Variants in STOX1 observed in about 807,000 individuals in gnomAD.
STOX1 encodes storkhead box 1, also known as storkhead-box protein 1.
Under a neutral mutation model 74.8 loss-of-function variants are expected in STOX1, and 57 were observed. That is an observed-to-expected ratio of 0.76 (90% CI 0.62 to 0.95). The LOEUF is 0.95. Ranked by LOEUF, STOX1 falls within the 40% of genes least tolerant of loss-of-function variation. The pLI, the probability that STOX1 is intolerant of heterozygous loss-of-function variation, is 0.00. For missense variants in STOX1, 1,010 were observed against 1,117.0 expected (o/e 0.90, Z 1.37); for synonymous variants, 375 against 401.3 (o/e 0.93, Z 0.78).
intron 1 of STOX1, among the ~76,000 whole-genome samples, chr10:68,849,889 T>C (rs534784773): frequency 3.9e-5 from 6 of 152,296 alleles, no homozygotes; most frequent in African/African-American, 1.4e-4. Context: ...CATCTGACTC[T>C]TCACAACCCT....
Position 68,886,918 on chromosome 10 carries a change from C to CA in STOX1, c.2822+311dup, listed in dbSNP as rs1199871223. Among the ~76,000 whole-genome samples the CA allele has an allele frequency of 7.5e-3, 868 of 115,240 alleles. 15 individuals carry two copies. Among genetic ancestry groups the CA allele is most frequent in the African/African-American group, 0.021 (680 of 31,856 alleles). 75.6% of individuals were successfully genotyped at this position (115,240 alleles called of 152,430 possible). ...CTGGTGATGGAGCAAGACTCTGCCT[C>CA]AAAAAAAAAAAGAAAAAAAAAGAAA... On this transcript the variant is annotated intron_variant, in intron 3 of 3. Transcript: ENST00000298596.
intron 1 of STOX1, among the ~76,000 whole-genome samples, chr10:68,878,550 G>A (rs553873739): frequency 1.3e-5 from 2 of 152,302 alleles, no homozygotes; most frequent in East Asian, 3.9e-4. Context: ...ACACCTAGAG[G>A]AGATCATTCC....
chr10:68,890,029 T>C (rs369533463), intron 3 of STOX1, among the ~76,000 whole-genome samples: 10 of 151,962 alleles, frequency 6.6e-5, no homozygotes, highest in African/African-American at 2.4e-4. Context: ...CCTCAAGTGA[T>C]CTGCCCACCT....
rs1840827095 is a variant in STOX1, at chr10:68,882,116, G to A, written c.463+6G>A. 1 of 1,613,378 alleles carries A rather than the reference G, an allele frequency of 6.2e-7. No individual in the cohort carries two copies. Among genetic ancestry groups the A allele is most frequent in the Non-Finnish European group, 8.5e-7 (1 of 1,179,492 alleles). ...TTTGATGAAACATTACCCAGGTAGA[G>A]TAATAAATTTTTGTCTATTTGTACT... On this transcript the variant is annotated splice_donor_region_variant and intron_variant, in intron 2 of 3. Transcript: ENST00000298596.
intron 1 of STOX1, among the ~76,000 whole-genome samples, chr10:68,869,621 A>G (rs1370488869): frequency 1.3e-5 from 2 of 152,200 alleles, no homozygotes; most frequent in African/African-American, 4.8e-5. Flanking sequence ...GGAGAGGCCA[A>G]TCTGAATGGA....
rs78258245 is a variant in STOX1 at position 68,886,085 on chromosome 10, A to G, written c.2289A>G (p.Gly763=). The G allele has an allele frequency of 3.9e-4, 629 of 1,614,220 alleles. 3 individuals carry two copies. In the East Asian group the frequency reaches 0.013, roughly 34 times the overall value. The change falls in exon 3 of 4, where the codon GGA becomes GGG. Residue 763 remains glycine, a synonymous_variant. Transcript: ENST00000298596. ...PGHSQYSFTG[G]SQGNHLGKQK... ...ACAGTCAGTATTCCTTCACAGGTGGAAGCCAGGGAAATCATTTAGGAAAAC... is the reference window on the plus strand; with the variant it reads ...ACAGTCAGTATTCCTTCACAGGTGGGAGCCAGGGAAATCATTTAGGAAAAC...
At chr10:68,852,099 A>G (rs1839999778) in intron 1 of STOX1, among the ~76,000 whole-genome samples, 1 of 151,970 alleles carries the variant, frequency 6.6e-6, no homozygotes, top group Non-Finnish European at 1.5e-5. Flanking sequence ...GTGCCACCGC[A>G]CTCCAGCCTG....
intron 1 of STOX1, among the ~76,000 whole-genome samples, chr10:68,856,653 C>T (rs957740940): frequency 6.6e-6 from 1 of 152,054 alleles, no homozygotes; most frequent in Non-Finnish European, 1.5e-5. Context: ...AAAGTGTCTC[C>T]AAGTCAGTAG....
intron 1 of STOX1, among the ~76,000 whole-genome samples, chr10:68,852,194 C>A (rs1260604332): frequency 6.7e-6 from 1 of 150,282 alleles, no homozygotes. Flanking sequence ...GATGAGAAGT[C>A]AGCTGTTAAT....
At chr10:68,855,696 C>G (rs1354935194) in intron 1 of STOX1, among the ~76,000 whole-genome samples, 1 of 151,742 alleles carries the variant, frequency 6.6e-6, no homozygotes, top group Non-Finnish European at 1.5e-5. Context: ...CCTCCCACCT[C>G]AGCCTCCCAA....
At chr10:68,860,505 GGTT>G (rs1274356149) in intron 1 of STOX1, among the ~76,000 whole-genome samples, 1 of 146,380 alleles carries the variant, frequency 6.8e-6, no homozygotes, top group Non-Finnish European at 1.5e-5. Context: ...GGGAGGCAGA[GGTT>G]GTAGTGAGCT....
In STOX1 at chr10:68,827,748, G is replaced by A. The variant is rs889127222; in HGVS notation, c.125G>A (p.Arg42His). ...CGCGCGGTGTTCCGCGCTTTCCGTC[G>A]CGCCAACGCGCGCTGCTTCTGGAAC... ...GGRAVFRAFR[R>H]ANARCFWNAR... is the part of the protein sequence containing the mutation. The change falls in exon 1 of 4, where the codon CGC (arginine) becomes CAC (histidine). Residue 42 changes from arginine to histidine, a missense_variant. Coordinates refer to ENST00000298596, the MANE Select transcript of STOX1 (RefSeq NM_152709.5). The A allele has an allele frequency of 8.8e-4, 672 of 761,528 alleles. No homozygotes were observed. The highest frequency in any genetic ancestry group is 1.0e-3 in the Non-Finnish European group (642 of 631,482). 47.2% of individuals were successfully genotyped at this position (761,528 alleles called of 1,614,324 possible).
intron 1 of STOX1, chr10:68,828,230 G>C (rs1429882977): frequency 2.1e-6 from 2 of 970,620 alleles, no homozygotes; most frequent in Non-Finnish European, 2.6e-6. Flanking sequence ...GCGGCGCCGG[G>C]CCCTGCGGCC....
chr10:68,831,614 G>A (rs1486106156), intron 1 of STOX1, among the ~76,000 whole-genome samples: 3 of 152,164 alleles, frequency 2.0e-5, no homozygotes, highest in African/African-American at 7.2e-5. Flanking sequence ...CAACTGTGCT[G>A]CCTTGGGTCT....
chr10:68,886,446 T>C lies in STOX1; in HGVS notation c.2650T>C (p.Trp884Arg), dbSNP rs956357384. The C allele has an allele frequency of 1.2e-6, 2 of 1,614,092 alleles. No homozygotes were observed. The highest frequency in any genetic ancestry group is 2.7e-5 in the African/African-American group (2 of 74,924). Residue 884 changes from tryptophan (W) to arginine (R), a missense_variant, in exon 3 of 4, where the codon TGG becomes CGG. Trp to Arg is a moderately radical substitution (Grantham distance 101). Coordinates refer to ENST00000298596, the MANE Select transcript of STOX1 (RefSeq NM_152709.5). ...IGDTGKKPAS[W>R]SQSPQNQEMR... ...TGACACAGGAAAGAAGCCAGCTAGC[T>C]GGAGTCAGAGTCCTCAGAATCAGGA... is the stretch of plus-strand genomic sequence containing the variant.
chr10:68,857,241 G>T (rs557401072), intron 1 of STOX1, among the ~76,000 whole-genome samples: 4 of 151,890 alleles, frequency 2.6e-5, no homozygotes, highest in Non-Finnish European at 5.9e-5. Flanking sequence ...AAAATCTCCA[G>T]CCGTAGTGGT....
rs537464324 is a variant in STOX1 at position 68,867,746 on chromosome 10, C to G, written c.311-14212C>G. Among the ~76,000 whole-genome samples, 3 of 152,364 alleles carry G rather than the reference C, an allele frequency of 2.0e-5. No homozygotes were observed. The South Asian group carries it at 6.2e-4, about 32-fold the overall frequency. On this transcript the variant is annotated intron_variant, in intron 1 of 3. Transcript: ENST00000298596. ...TGAATCAGAGCCCACACTGACCAGA[C>G]AGTTACAGGAATATCCTCAGCACTA...
chr10:68,849,921 T>G (rs1225080899), intron 1 of STOX1, among the ~76,000 whole-genome samples: 1 of 152,206 alleles, frequency 6.6e-6, no homozygotes, highest in African/African-American at 2.4e-5. Context: ...GGCTTGCCCT[T>G]TAAATGGTAA....
chr10:68,859,775 G>A (rs192719020), intron 1 of STOX1, among the ~76,000 whole-genome samples: 2 of 152,010 alleles, frequency 1.3e-5, no homozygotes, highest in Admixed American at 6.5e-5. Context: ...GAAGTAGGTA[G>A]CCTGGGTGAG....
Sources: allele counts gnomAD v4.1 joint callset (sites outside exome capture counted in the v4.1 genomes callset), GRCh38; gene constraint gnomAD v4.1.1; transcripts MANE v1.5; gene names NCBI Gene and HGNC (gene_info 2026-07-23, HGNC 2026-07-21).